PDE10A: variants seen among roughly 807,000 people sequenced by gnomAD.
PDE10A encodes the protein cAMP and cAMP-inhibited cGMP 3',5'-cyclic phosphodiesterase 10A.
Under a neutral mutation model 97.7 loss-of-function variants are expected in PDE10A, and 39 were observed. The observed-to-expected ratio is 0.40, with a 90% CI of 0.31 to 0.52. The LOEUF is 0.52. Among genes scored for constraint, PDE10A ranks in the 20% least tolerant of loss-of-function variants. PDE10A has a pLI of 0.56. For missense variants in PDE10A, 731 were observed against 1,047.8 expected (o/e 0.70, Z 4.17); for synonymous variants, 371 against 376.8 (o/e 0.98, Z 0.18).
chr6:165,429,321 G>A (rs1014676906), intron 9 of PDE10A, among the ~76,000 whole-genome samples: 4 of 152,008 alleles, frequency 2.6e-5, no homozygotes, highest in African/African-American at 7.2e-5. Context: ...AAGATAAATC[G>A]ATATGCATGT....
intron 1 of PDE10A, among the ~76,000 whole-genome samples, chr6:165,824,614 T>C (rs1779671437): frequency 6.6e-6 from 1 of 152,254 alleles, no homozygotes; most frequent in South Asian, 2.1e-4. Context: ...TGCTGTTATT[T>C]GTGTTTGCAG....
chr6:165,884,479 C>A (rs1021969134), intron 1 of PDE10A, among the ~76,000 whole-genome samples: 2 of 152,142 alleles, frequency 1.3e-5, no homozygotes. Flanking sequence ...CCAGAACCCT[C>A]GAGTGGCAGA....
chr6:165,779,623 A>G (rs1162802931), intron 1 of PDE10A, among the ~76,000 whole-genome samples: 2 of 152,238 alleles, frequency 1.3e-5, no homozygotes, highest in African/African-American at 4.8e-5. Flanking sequence ...GGTGGTGGCT[A>G]CAAAGTTGAT....
chr6:165,398,242 T>C (rs1049858353), intron 13 of PDE10A, among the ~76,000 whole-genome samples: 11 of 152,184 alleles, frequency 7.2e-5, no homozygotes, highest in African/African-American at 2.7e-4. Flanking sequence ...CTAATGCCTG[T>C]AATCCCAGCA....
chr6:165,536,056 G>C (rs58994342), intron 2 of PDE10A, among the ~76,000 whole-genome samples: 25 of 151,914 alleles, frequency 1.6e-4, no homozygotes, highest in African/African-American at 6.0e-4. Context: ...ACATTACCTG[G>C]TTTCAAATTA....
intron 1 of PDE10A, among the ~76,000 whole-genome samples, chr6:165,573,901 G>A (rs1018468808): frequency 3.3e-5 from 5 of 152,198 alleles, no homozygotes; most frequent in African/African-American, 9.7e-5. Flanking sequence ...TGCGTCAGCC[G>A]GCCCAGTAGG....
At chr6:165,570,303 C>T (rs1784990361) in intron 1 of PDE10A, among the ~76,000 whole-genome samples, 1 of 152,154 alleles carries the variant, frequency 6.6e-6, no homozygotes, top group African/African-American at 2.4e-5. Context: ...CAAAAACCAT[C>T]AATCTGATCT....
At chr6:165,581,238 CAGA>C (rs1313925132) in intron 1 of PDE10A, among the ~76,000 whole-genome samples, 1 of 152,120 alleles carries the variant, frequency 6.6e-6, no homozygotes, top group African/African-American at 2.4e-5. Context: ...CATGCTTTGA[CAGA>C]AGAACAGTGC....
intron 1 of PDE10A, among the ~76,000 whole-genome samples, chr6:165,830,014 A>G (rs1003967797): frequency 1.3e-5 from 2 of 152,184 alleles, no homozygotes; most frequent in Non-Finnish European, 2.9e-5. Context: ...GCGGCAATAA[A>G]CTGAAACTTC....
chr6:165,912,222 TAC>T (rs898784527), intron 1 of PDE10A, among the ~76,000 whole-genome samples: 2 of 151,564 alleles, frequency 1.3e-5, no homozygotes, highest in Admixed American at 6.6e-5. Flanking sequence ...ATCACCTATC[TAC>T]ACACACACAC....
At chr6:165,826,376 C>G (rs150360248) in intron 1 of PDE10A, among the ~76,000 whole-genome samples, 6 of 132,172 alleles carry the variant, frequency 4.5e-5, no homozygotes, top group Non-Finnish European at 1.1e-4. Flanking sequence ...CCTTGCATCC[C>G]TCTGTCCTCA....
chr6:165,670,009 C>A (rs1431386121), intron 1 of PDE10A, among the ~76,000 whole-genome samples: 1 of 152,216 alleles, frequency 6.6e-6, no homozygotes, highest in Non-Finnish European at 1.5e-5. Context: ...AGTATGTGCA[C>A]TAGTGGTGAA....
intron 1 of PDE10A, among the ~76,000 whole-genome samples, chr6:165,725,242 C>T (rs575278219): frequency 2.6e-5 from 4 of 152,308 alleles, no homozygotes; most frequent in Admixed American, 6.5e-5. Context: ...GGCAGAAACC[C>T]AGAATACAGA....
At position 165,379,405 on chromosome 6, in the gene PDE10A, C is replaced by T; in HGVS notation, c.2611-39G>A. 3 of 1,492,006 alleles carry T rather than the reference C, an allele frequency of 2.0e-6. No homozygotes were observed. In the Admixed American group the frequency reaches 5.3e-5, roughly 27 times the overall value. The allele number at this position is 1,492,006 out of a possible 1,614,324, so 92.4% of individuals were successfully genotyped here. A position where few individuals can be genotyped will look rare whatever the true frequency, so the allele number is the denominator to read the frequency against. On this transcript the variant is annotated intron_variant, in intron 17 of 21. Coordinates refer to ENST00000539869, the MANE Select transcript of PDE10A (RefSeq NM_001385079.1). ...ACAAATAAAAACCACCAATAACAAG[C>T]ACAAGCTCTAATCTTATGACATTTT...
chr6:165,702,041 A>C (rs552536294), intron 1 of PDE10A, among the ~76,000 whole-genome samples: 85 of 152,276 alleles, frequency 5.6e-4, no homozygotes, highest in African/African-American at 1.9e-3. Context: ...TGTGGCCAGG[A>C]GGCAGGCAGG....
chr6:165,886,460 G>T (rs570425587), intron 1 of PDE10A, among the ~76,000 whole-genome samples: 7 of 152,356 alleles, frequency 4.6e-5, no homozygotes, highest in Admixed American at 1.3e-4. Flanking sequence ...CTCCTGATGG[G>T]TTTGCTAAGC....
chr6:165,841,885 G>A (rs112104754), intron 1 of PDE10A, among the ~76,000 whole-genome samples: 28 of 152,272 alleles, frequency 1.8e-4, no homozygotes, highest in African/African-American at 6.3e-4. Flanking sequence ...TGAATATGAC[G>A]TAAATTATGC....
At chr6:165,892,583 C>T (rs141174193) in intron 1 of PDE10A, among the ~76,000 whole-genome samples, 10 of 152,296 alleles carry the variant, frequency 6.6e-5, no homozygotes, top group African/African-American at 1.2e-4. Flanking sequence ...CTTGGACTTC[C>T]GGCTGTGTTG....
At chr6:165,676,330 A>G (rs1054669167) in intron 1 of PDE10A, among the ~76,000 whole-genome samples, 5 of 152,206 alleles carry the variant, frequency 3.3e-5, no homozygotes, top group African/African-American at 1.2e-4. Context: ...CTTCACCACT[A>G]TGCACCATTT....
Sources: gnomAD v4.1 joint callset for allele counts (sites outside exome capture counted in the v4.1 genomes callset) on GRCh38, gnomAD v4.1.1 for gene constraint, MANE v1.5 for transcripts, NCBI Gene and HGNC (gene_info 2026-07-23, HGNC 2026-07-21) for gene names.